TRPC3: variants seen among roughly 807,000 people sequenced by gnomAD.
TRPC3 encodes the protein short transient receptor potential channel 3.
TRPC3 carries 54 observed loss-of-function variants against 90.9 expected under a neutral mutation model. The observed-to-expected ratio is 0.59, with a 90% confidence interval of 0.48 to 0.75. TRPC3 has a LOEUF of 0.75. TRPC3 is among the 30% of genes least tolerant of loss of function. The pLI is 0.00. For synonymous variants in TRPC3, 424 were observed against 450.9 expected (o/e 0.94, Z 0.75); for missense variants, 918 against 1,194.5 (o/e 0.77, Z 3.41).
rs1729948036 is a variant in TRPC3 at position 121,932,017 on chromosome 4, C to T, written c.987+254G>A. ...TCTTGAGTTTTATTTAATGCTTACC[C>T]AACACAGAGCGGCACCATAATTATA... On this transcript the variant is annotated intron_variant, in intron 2 of 11. Coordinates refer to ENST00000379645, the MANE Select transcript of TRPC3 (RefSeq NM_001130698.2). The surrounding 1 kb of genome is among the most constrained non-coding windows in gnomAD (Gnocchi z 7.7). Among the ~76,000 whole-genome samples the T allele has an allele frequency of 6.6e-6, 1 of 152,192 alleles. No homozygotes were observed. Among genetic ancestry groups the T allele is most frequent in the Non-Finnish European group, 1.5e-5 (1 of 68,042 alleles).
intron 1 of TRPC3, among the ~76,000 whole-genome samples, chr4:121,948,377 T>TC (rs5861550): frequency 0.27 from 40,322 of 149,198 alleles, 5,695 homozygotes; most frequent in African/African-American, 0.37. Flanking sequence ...TTTTTTTTTT[T>TC]CCCTCAATTT....
In TRPC3 at chr4:121,897,746, G is replaced by A. The variant is rs370831142; in HGVS notation, c.2547+1866C>T. ...AACCATTATGTAGAACAGTATGGAG[G>A]ATTTTCCAAGAACTACAAATAGAGC... is the stretch of plus-strand genomic sequence containing the variant. On this transcript the variant is annotated intron_variant, in intron 10 of 11. Transcript: ENST00000379645. Among the ~76,000 whole-genome samples, 38 of 152,140 alleles carry A rather than the reference G, an allele frequency of 2.5e-4. No individual in the cohort carries two copies. The East Asian group carries it at 6.8e-3, about 27-fold the overall frequency.
chr4:121,914,006 G>A (rs1052061032), intron 4 of TRPC3, among the ~76,000 whole-genome samples: 7 of 152,110 alleles, frequency 4.6e-5, no homozygotes, highest in Non-Finnish European at 1.0e-4. Flanking sequence ...ATAAAAACAG[G>A]ATTAAAGGAT....
At chr4:121,939,700 T>C (rs1389928557) in intron 1 of TRPC3, among the ~76,000 whole-genome samples, 3 of 152,296 alleles carry the variant, frequency 2.0e-5, no homozygotes, top group East Asian at 1.9e-4. Context: ...GTAAGCTGGA[T>C]GGAAGATGTT....
chr4:121,912,244 T>G, intron 4 of TRPC3, 151 bp from the exon 5 acceptor site: 1 of 638,998 alleles, frequency 1.6e-6, no homozygotes, highest in Non-Finnish European at 2.6e-6. Flanking sequence ...AAAAATATTC[T>G]TTTTTAGGGG....
In TRPC3 at chr4:121,903,078, G is replaced by GA. The variant is rs752063058; in HGVS notation, c.2254-18dup. The GA allele has an allele frequency of 4.9e-4, 765 of 1,549,544 alleles. 2 individuals are homozygous for GA. The highest frequency in any genetic ancestry group is 1.1e-3 in the Middle Eastern group (6 of 5,290). ...ACTGTCATCCTGTGTCACAAAAATA[G>GA]AAAAAAAAACTAATTTTAAATGCTA... On this transcript the variant is annotated splice_polypyrimidine_tract_variant and intron_variant, in intron 8 of 11. Coordinates refer to ENST00000379645, the MANE Select transcript of TRPC3 (RefSeq NM_001130698.2).
At chr4:121,914,453 C>T (rs781109046) in intron 4 of TRPC3, among the ~76,000 whole-genome samples, 10 of 152,170 alleles carry the variant, frequency 6.6e-5, no homozygotes, top group Admixed American at 2.6e-4. Context: ...CCAGCCCAGT[C>T]GACACTCTAC....
chr4:121,881,695 T>C (rs1727949597), intron 11 of TRPC3, among the ~76,000 whole-genome samples: 1 of 151,890 alleles, frequency 6.6e-6, no homozygotes, highest in Non-Finnish European at 1.5e-5. Context: ...CTCATTGGTG[T>C]TGGAAGGTAC....
Position 121,907,511 on chromosome 4 carries a change from T to C in TRPC3, c.1849A>G (p.Ile617Val), listed in dbSNP as rs750951273. 3.1e-6 allele frequency: 5 copies of C among 1,613,216 alleles called. No homozygotes were observed. Among genetic ancestry groups the C allele is most frequent in the Admixed American group, 3.3e-5 (2 of 59,898 alleles). Residue 617 changes from isoleucine to valine, a missense_variant, in exon 7 of 12, where the codon ATA becomes GTA. Transcript: ENST00000379645. ...PQIISEGLYAIAVVLSFSRIA... is the reference protein window; with the variant it reads ...PQIISEGLYAVAVVLSFSRIA... Reference sequence around the variant, plus strand: ...CGAGAGAAGCTGAGCACAACAGCTATGGCATAAAGGCCTTCAGATATAATC... The same window carrying C: ...CGAGAGAAGCTGAGCACAACAGCTACGGCATAAAGGCCTTCAGATATAATC...
In TRPC3 at chr4:121,932,222, G is replaced by A. The variant is rs1729956603; in HGVS notation, c.987+49C>T. 1 of 1,586,862 alleles carries A rather than the reference G, an allele frequency of 6.3e-7. No individual in the cohort carries two copies. Among genetic ancestry groups the A allele is most frequent in the Admixed American group, 1.7e-5 (1 of 58,444 alleles). On this transcript the variant is annotated intron_variant, in intron 2 of 11. Coordinates refer to ENST00000379645, the MANE Select transcript of TRPC3 (RefSeq NM_001130698.2). This position sits in a 1 kb window ranked among gnomAD's most constrained non-coding sequence, Gnocchi z 7.7. The stretch of plus-strand genomic sequence containing the variant: ...GGCAGAGCAGGCCAGGCAGCAGCGG[G>A]GAAGTTGGGTGAGCACACAGAGCAG...
chr4:121,932,507 T>G lies in TRPC3; in HGVS notation c.751A>C (p.Met251Leu). Residue 251 changes from methionine (M) to leucine (L), a missense_variant, in exon 2 of 12, where the codon ATG becomes CTG. Coordinates refer to ENST00000379645, the MANE Select transcript of TRPC3 (RefSeq NM_001130698.2). This position sits in a 1 kb window ranked among gnomAD's most constrained non-coding sequence, Gnocchi z 7.7. Reference protein sequence around the residue: ...AHCQKYEVVHMLLMKGARIER... With the variant: ...AHCQKYEVVHLLLMKGARIER... ...ATCCTGGCACCCTTCATCAGCAGCA[T>G]GTGCACCACTTCGTATTTCTGGCAG... 2 of 1,614,110 alleles carry G rather than the reference T, an allele frequency of 1.2e-6. No homozygotes were observed. The highest frequency in any genetic ancestry group is 4.5e-5 in the East Asian group (2 of 44,884).
At chr4:121,919,484 A>G (rs963114719) in intron 3 of TRPC3, among the ~76,000 whole-genome samples, 3 of 152,228 alleles carry the variant, frequency 2.0e-5, no homozygotes, top group Non-Finnish European at 2.9e-5. Flanking sequence ...TGGATTTTCA[A>G]ACTTGCTGAG....
chr4:121,898,261 A>G (rs952007615), intron 10 of TRPC3, among the ~76,000 whole-genome samples: 10 of 152,168 alleles, frequency 6.6e-5, no homozygotes, highest in African/African-American at 2.2e-4. Context: ...GGAGTCCCCA[A>G]CCCGCAGATG....
At chr4:121,893,995 T>C (rs779669860) in intron 10 of TRPC3, among the ~76,000 whole-genome samples, 18 of 152,140 alleles carry the variant, frequency 1.2e-4, no homozygotes, top group Non-Finnish European at 2.5e-4. Context: ...ATTGTAAGAA[T>C]GTAAGTTAGT....
chr4:121,881,925 A>C (rs1365884516), intron 11 of TRPC3, among the ~76,000 whole-genome samples: 4 of 152,172 alleles, frequency 2.6e-5, no homozygotes, highest in Non-Finnish European at 5.9e-5. Flanking sequence ...AAACAGGTTA[A>C]AAATGTGTTT....
intron 4 of TRPC3, among the ~76,000 whole-genome samples, chr4:121,913,473 A>G (rs1729183965): frequency 6.6e-6 from 1 of 152,168 alleles, no homozygotes; most frequent in Non-Finnish European, 1.5e-5. Flanking sequence ...AGCATGCCAC[A>G]CTGTTAGTTG....
Position 121,951,382 on chromosome 4 carries a change from G to T in TRPC3, c.215+84C>A. The T allele has an allele frequency of 3.2e-6, 3 of 949,206 alleles. No homozygotes were observed. The highest frequency in any genetic ancestry group is 3.9e-6 in the Non-Finnish European group (3 of 762,698). The allele number at this position is 949,206 out of a possible 1,614,324, so 58.8% of individuals were successfully genotyped here. A position where few individuals can be genotyped will look rare whatever the true frequency, so the allele number is the denominator to read the frequency against. On this transcript the variant is annotated intron_variant, in intron 1 of 11. Coordinates refer to ENST00000379645, the MANE Select transcript of TRPC3 (RefSeq NM_001130698.2). The surrounding 1 kb of genome is among the most constrained non-coding windows in gnomAD (Gnocchi z 4.4). ...GGGTCTCGGAGGTCCCGGGCTCGAC[G>T]TGGAGCCGCCCGGCGCGCGCCTTCC...
intron 2 of TRPC3, among the ~76,000 whole-genome samples, chr4:121,931,377 T>C (rs555311576): frequency 6.6e-6 from 1 of 152,236 alleles, no homozygotes; most frequent in South Asian, 2.1e-4. Flanking sequence ...CCAAAAACAG[T>C]CTAAATAATA....
intron 6 of TRPC3, among the ~76,000 whole-genome samples, 172 bp downstream of exon 6, chr4:121,909,982 G>C (rs1033483263): frequency 4.6e-5 from 7 of 152,116 alleles, no homozygotes; most frequent in Non-Finnish European, 8.8e-5. Flanking sequence ...AAGGGGGTCA[G>C]AGCCTTGAAA....
Sources: allele counts gnomAD v4.1 joint callset (sites outside exome capture counted in the v4.1 genomes callset), GRCh38; gene constraint gnomAD v4.1.1; non-coding constraint Gnocchi (gnomAD v3.1); transcripts MANE v1.5; gene names NCBI Gene and HGNC (gene_info 2026-07-23, HGNC 2026-07-21).